The following PPP3CA variants were observed in gnomAD, a reference collection of about 807,000 sequenced individuals.
PPP3CA encodes CAM-PRP catalytic subunit.
PPP3CA carries 14 observed loss-of-function variants against 66.5 expected under a neutral mutation model. The ratio of observed to expected loss-of-function variants is 0.21; its 90% confidence interval spans 0.14 to 0.33. The LOEUF is 0.33. PPP3CA is among the 10% of genes least tolerant of loss of function. PPP3CA has a pLI of 1.00. For synonymous variants in PPP3CA, 232 were observed against 226.2 expected (o/e 1.03, Z -0.23); for missense variants, 317 against 639.5 (o/e 0.50, Z 5.44).
chr4:101,255,229 C>T (rs1423923076), intron 1 of PPP3CA, among the ~76,000 whole-genome samples: 2 of 151,734 alleles, frequency 1.3e-5, no homozygotes, highest in African/African-American at 4.8e-5. Context: ...TTACTCTGCC[C>T]TAATTCACTG....
At chr4:101,157,045 G>A (rs1012507405) in intron 2 of PPP3CA, among the ~76,000 whole-genome samples, 1 of 152,160 alleles carries the variant, frequency 6.6e-6, no homozygotes, top group African/African-American at 2.4e-5. Flanking sequence ...ATCTCCAAAT[G>A]TTCCCATTTC....
chr4:101,046,880 T>G (rs1727788649), intron 10 of PPP3CA, among the ~76,000 whole-genome samples: 1 of 152,190 alleles, frequency 6.6e-6, no homozygotes, highest in African/African-American at 2.4e-5. Context: ...ATGGGTTTTG[T>G]GTCCATCCAA....
chr4:101,097,481 A>G (rs942054592), intron 5 of PPP3CA, among the ~76,000 whole-genome samples: 1 of 152,254 alleles, frequency 6.6e-6, no homozygotes, highest in African/African-American at 2.4e-5. Flanking sequence ...AACATATGTT[A>G]TAAATATCAA....
chr4:101,247,014 T>C (rs1027964837), intron 1 of PPP3CA, among the ~76,000 whole-genome samples: 12 of 152,310 alleles, frequency 7.9e-5, no homozygotes, highest in Middle Eastern at 3.4e-3. Context: ...GTACTTTCTT[T>C]AGAGCAAATA....
chr4:101,141,377 C>T (rs542985953), intron 2 of PPP3CA, among the ~76,000 whole-genome samples: 2 of 152,020 alleles, frequency 1.3e-5, no homozygotes, highest in Non-Finnish European at 2.9e-5. Flanking sequence ...CTCAAAAAAA[C>T]AAACAAAAAA....
intron 5 of PPP3CA, among the ~76,000 whole-genome samples, chr4:101,094,200 G>A (rs549279991): frequency 3.3e-5 from 5 of 151,478 alleles, no homozygotes; most frequent in African/African-American, 4.9e-5. Flanking sequence ...TCTAGATTTC[G>A]CAGTTTCTCA....
rs1245140658 is a variant in PPP3CA at position 101,107,131 on chromosome 4, T to C, written c.384+1823A>G. Among the ~76,000 whole-genome samples the C allele has an allele frequency of 2.0e-5, 3 of 152,244 alleles. 1 individual carries two copies. The highest frequency in any genetic ancestry group is 7.2e-5 in the African/African-American group (3 of 41,462). ...TCACTAATTTCTTCCTCTGTACTTT[T>C]GCTCACTTTAATTTCCTTCCTAGCT... is the stretch of plus-strand genomic sequence containing the variant. On this transcript the variant is annotated intron_variant, in intron 3 of 13. Coordinates refer to ENST00000394854, the MANE Select transcript of PPP3CA (RefSeq NM_000944.5).
intron 3 of PPP3CA, among the ~76,000 whole-genome samples, chr4:101,105,190 T>C (rs149589915): frequency 0.056 from 8,458 of 150,272 alleles, 800 homozygotes; most frequent in African/African-American, 0.19. Flanking sequence ...TTCTTTAAGA[T>C]GGAGTCTTGC....
intron 5 of PPP3CA, among the ~76,000 whole-genome samples, chr4:101,098,073 A>C (rs1460225249): frequency 6.6e-6 from 1 of 152,200 alleles, no homozygotes; most frequent in Non-Finnish European, 1.5e-5. Flanking sequence ...TGTTTGAAAA[A>C]AGCCAAATGG....
intron 2 of PPP3CA, among the ~76,000 whole-genome samples, chr4:101,163,762 A>G (rs1723597395): frequency 6.6e-6 from 1 of 152,100 alleles, no homozygotes; most frequent in African/African-American, 2.4e-5. Context: ...ATTTAGGGGT[A>G]GAAATAAGTA....
At chr4:101,061,895 A>G (rs1728478312) in intron 9 of PPP3CA, among the ~76,000 whole-genome samples, 1 of 152,006 alleles carries the variant, frequency 6.6e-6, no homozygotes, top group Admixed American at 6.6e-5. Flanking sequence ...CATGCATGTG[A>G]AAAGAAGCCT....
chr4:101,293,496 T>C (rs980778793), intron 1 of PPP3CA, among the ~76,000 whole-genome samples: 9 of 152,120 alleles, frequency 5.9e-5, no homozygotes, highest in Admixed American at 3.9e-4. Flanking sequence ...CCAATAAGAG[T>C]GTGAAGGGTG....
chr4:101,241,582 A>G (rs1391639211), intron 1 of PPP3CA, among the ~76,000 whole-genome samples: 1 of 152,152 alleles, frequency 6.6e-6, no homozygotes, highest in Admixed American at 6.5e-5. Flanking sequence ...ACAATAGCCA[A>G]TATTAATCCA....
rs146413526 is a variant in PPP3CA at position 101,054,704 on chromosome 4, T to C, written c.1156+6383A>G. On this transcript the variant is annotated intron_variant, in intron 10 of 13. Transcript: ENST00000394854. Reference sequence around the variant, plus strand: ...AACCTGTGGTATTAGATACGAAGAATTATCTAATTCAAGGCAGACTATGGA... The same window carrying C: ...AACCTGTGGTATTAGATACGAAGAACTATCTAATTCAAGGCAGACTATGGA... 2.0e-3 allele frequency among the ~76,000 whole-genome samples: 303 copies of C among 152,152 alleles called. 2 individuals carry two copies. The highest frequency in any genetic ancestry group is 3.2e-3 in the Admixed American group (49 of 15,258).
At chr4:101,302,693 A>G (rs1357943720) in intron 1 of PPP3CA, among the ~76,000 whole-genome samples, 1 of 152,142 alleles carries the variant, frequency 6.6e-6, no homozygotes, top group African/African-American at 2.4e-5. Context: ...TGCAGAACTC[A>G]AACTAATCTA....
In PPP3CA at chr4:101,347,144, G is replaced by A; in HGVS notation, c.-348C>T. On this transcript the variant is annotated 5_prime_UTR_variant, in exon 1 of 14. Transcript: ENST00000394854. ...ATGGGGAGGAGAAGCGCACACACGA[G>A]CACCCACCCCGGCACGGAGACCCAG... 2 of 432,722 alleles carry A rather than the reference G, an allele frequency of 4.6e-6. No individual in the cohort carries two copies. The highest frequency in any genetic ancestry group is 2.2e-5 in the South Asian group (1 of 46,480). The allele number at this position is 432,722 out of a possible 1,614,324, so 26.8% of individuals were successfully genotyped here. A position where few individuals can be genotyped will look rare whatever the true frequency, so the allele number is the denominator to read the frequency against.
intron 2 of PPP3CA, among the ~76,000 whole-genome samples, chr4:101,174,217 T>C (rs1723982302): frequency 6.6e-6 from 1 of 152,172 alleles, no homozygotes; most frequent in African/African-American, 2.4e-5. Context: ...CTCTATTAAA[T>C]ATTTATGTTT....
At chr4:101,195,401 G>C (rs2110190071) in intron 2 of PPP3CA, among the ~76,000 whole-genome samples, 1 of 152,262 alleles carries the variant, frequency 6.6e-6, no homozygotes, top group African/African-American at 2.4e-5. Context: ...GGCTGGATAA[G>C]ACACAGATTG....
chr4:101,294,489 C>T (rs1728129581), intron 1 of PPP3CA, among the ~76,000 whole-genome samples: 1 of 152,106 alleles, frequency 6.6e-6, no homozygotes, highest in African/African-American at 2.4e-5. Context: ...TTTATAACCA[C>T]ATATCAAGTA....
Sources: allele counts gnomAD v4.1 joint callset (sites outside exome capture counted in the v4.1 genomes callset), GRCh38; gene constraint gnomAD v4.1.1; transcripts MANE v1.5; gene names NCBI Gene and HGNC (gene_info 2026-07-23, HGNC 2026-07-21).